The following AFF3 variants were observed in gnomAD, a reference collection of about 807,000 sequenced individuals.
AFF3 encodes the protein ALF transcription elongation factor 3.
A neutral mutation model predicts 129.7 loss-of-function variants in AFF3; 32 were observed. That is an observed-to-expected ratio of 0.25 (90% CI 0.19 to 0.33). The LOEUF is 0.33. Among genes scored for constraint, AFF3 ranks in the 10% least tolerant of loss-of-function variants. AFF3 has a pLI of 1.00. For missense variants in AFF3, 1,373 were observed against 1,592.0 expected (o/e 0.86, Z 2.34); for synonymous variants, 644 against 635.4 (o/e 1.01, Z -0.20).
intron 7 of AFF3, among the ~76,000 whole-genome samples, chr2:99,886,175 G>T (rs1000407533): frequency 6.6e-6 from 1 of 152,130 alleles, no homozygotes; most frequent in Non-Finnish European, 1.5e-5. Context: ...ATCACATTTT[G>T]TCCAGTTAGA....
intron 7 of AFF3, among the ~76,000 whole-genome samples, chr2:99,964,319 T>G (rs771638824): frequency 6.6e-6 from 1 of 152,190 alleles, no homozygotes; most frequent in Non-Finnish European, 1.5e-5. Context: ...CAAGTGTTCA[T>G]GGAACGAATG....
At chr2:99,947,922 G>C (rs1675790663) in intron 7 of AFF3, among the ~76,000 whole-genome samples, 1 of 152,280 alleles carries the variant, frequency 6.6e-6, no homozygotes, top group South Asian at 2.1e-4. Context: ...TTGAAGGGAT[G>C]AATCAGAAGA....
chr2:99,758,458 C>T (rs764757650), intron 8 of AFF3, among the ~76,000 whole-genome samples: 3 of 151,960 alleles, frequency 2.0e-5, no homozygotes, highest in African/African-American at 4.8e-5. Flanking sequence ...TGATGGCGCG[C>T]GCCTGTAATC....
chr2:99,657,050 T>C lies in AFF3; in HGVS notation c.1144-7384A>G, dbSNP rs1044723689. On this transcript the variant is annotated intron_variant, in intron 12 of 24. Transcript: ENST00000672756. ...ACATGGGGCTGTACAGTCGCTCTAA[T>C]GAGGACTGCTCTGTGCAAATATGAC... 7.9e-5 allele frequency among the ~76,000 whole-genome samples: 12 copies of C among 152,258 alleles called. No individual in the cohort carries two copies. The East Asian group carries it at 1.5e-3, about 20-fold the overall frequency.
chr2:99,889,166 C>T (rs1693348401), intron 7 of AFF3, among the ~76,000 whole-genome samples: 1 of 152,068 alleles, frequency 6.6e-6, no homozygotes, highest in South Asian at 2.1e-4. Flanking sequence ...TCTCACTGTG[C>T]TGTCCAGGCT....
chr2:99,840,982 C>A (rs569125855), intron 7 of AFF3, among the ~76,000 whole-genome samples: 2 of 152,316 alleles, frequency 1.3e-5, no homozygotes, highest in East Asian at 1.9e-4. Flanking sequence ...GCTGGCAGGG[C>A]AAATGCTGAA....
chr2:100,129,793 A>G (rs1421926500), intron 1 of AFF3, among the ~76,000 whole-genome samples: 1 of 152,192 alleles, frequency 6.6e-6, no homozygotes, highest in Admixed American at 6.5e-5. Flanking sequence ...GAGTTCCATT[A>G]TTGTCCCCAT....
chr2:99,891,280 A>AAGG, intron 7 of AFF3, among the ~76,000 whole-genome samples: 1 of 152,172 alleles, frequency 6.6e-6, no homozygotes, highest in Middle Eastern at 3.4e-3. Context: ...GAGCCCAGAA[A>AAGG]AGGAGGTGGG....
intron 4 of AFF3, among the ~76,000 whole-genome samples, chr2:100,101,250 A>AG (rs929805038): frequency 2.6e-5 from 4 of 152,212 alleles, no homozygotes; most frequent in African/African-American, 9.6e-5. Flanking sequence ...AACAGAACTG[A>AG]GCTTTTCCCT....
intron 13 of AFF3, among the ~76,000 whole-genome samples, chr2:99,641,513 A>C (rs1159244128): frequency 6.6e-6 from 1 of 152,168 alleles, no homozygotes; most frequent in Non-Finnish European, 1.5e-5. Flanking sequence ...CCCCATCTCT[A>C]CTAAAAATAG....
chr2:99,731,549 T>C (rs555016244), intron 10 of AFF3, among the ~76,000 whole-genome samples: 3 of 152,344 alleles, frequency 2.0e-5, no homozygotes, highest in African/African-American at 7.2e-5. Context: ...TCTTTCCTTT[T>C]ATATCACCAA....
intron 13 of AFF3, among the ~76,000 whole-genome samples, chr2:99,647,412 A>G (rs1231167308): frequency 1.3e-5 from 2 of 152,166 alleles, no homozygotes; most frequent in East Asian, 1.9e-4. Flanking sequence ...CAAACACCAC[A>G]TGTTTTCACT....
At chr2:100,138,041 A>G (rs1402264746) in intron 1 of AFF3, among the ~76,000 whole-genome samples, 1 of 152,148 alleles carries the variant, frequency 6.6e-6, no homozygotes, top group Non-Finnish European at 1.5e-5. Flanking sequence ...CCCACCAACG[A>G]TTAGATTGCC....
intron 9 of AFF3, among the ~76,000 whole-genome samples, chr2:99,747,667 A>G (rs1681277978): frequency 6.6e-6 from 1 of 152,160 alleles, no homozygotes; most frequent in Non-Finnish European, 1.5e-5. Context: ...AACCATTATT[A>G]TTTCTGTTTT....
chr2:99,748,556 C>T (rs1304551667), intron 9 of AFF3, among the ~76,000 whole-genome samples: 1 of 152,176 alleles, frequency 6.6e-6, no homozygotes, highest in East Asian at 1.9e-4. Context: ...TCCCCTCCCC[C>T]TGGAATGCTC....
At chr2:99,706,504 T>G (rs1216201806) in intron 11 of AFF3, among the ~76,000 whole-genome samples, 1 of 152,232 alleles carries the variant, frequency 6.6e-6, no homozygotes, top group Admixed American at 6.5e-5. Context: ...GGAAAGAGCC[T>G]GGCTTTGGAA....
At chr2:99,764,130 C>T (rs2105286925) in intron 8 of AFF3, among the ~76,000 whole-genome samples, 1 of 152,268 alleles carries the variant, frequency 6.6e-6, no homozygotes, top group African/African-American at 2.4e-5. Context: ...CTGTGCATCC[C>T]ACTTGCTCCT....
At chr2:100,062,970 G>C (rs775864612) in intron 4 of AFF3, among the ~76,000 whole-genome samples, 3 of 151,630 alleles carry the variant, frequency 2.0e-5, no homozygotes, top group Non-Finnish European at 4.4e-5. Context: ...ACCAGGCAGG[G>C]CTGGGTGCAG....
chr2:99,943,957 C>T (rs1485662404), intron 7 of AFF3, among the ~76,000 whole-genome samples: 1 of 151,896 alleles, frequency 6.6e-6, no homozygotes, highest in Non-Finnish European at 1.5e-5. Context: ...GGCTGGATCA[C>T]AGTAGCACCA....
Sources: allele counts gnomAD v4.1 joint callset (sites outside exome capture counted in the v4.1 genomes callset), GRCh38; gene constraint gnomAD v4.1.1; transcripts MANE v1.5; gene names NCBI Gene and HGNC (gene_info 2026-07-23, HGNC 2026-07-21).